Variants in TRIB2 observed in about 807,000 individuals in gnomAD.
The protein encoded by TRIB2 is tribbles pseudokinase 2, also known as tribbles homolog 2.
A neutral mutation model predicts 26.8 loss-of-function variants in TRIB2; 2 were observed. The observed-to-expected ratio is 0.07, with a 90% CI of 0.03 to 0.24. The LOEUF is 0.24. TRIB2 is among the 10% of genes least tolerant of loss of function. The pLI is 1.00. For synonymous variants in TRIB2, 189 were observed against 187.3 expected (o/e 1.01, Z -0.08); for missense variants, 306 against 449.0 (o/e 0.68, Z 2.88).
At chr2:12,734,285 G>A (rs1380140919) in intron 2 of TRIB2, among the ~76,000 whole-genome samples, 1 of 152,112 alleles carries the variant, frequency 6.6e-6, no homozygotes, top group East Asian at 1.9e-4. Context: ...TGTCTCTTTG[G>A]GAAATGTTTA....
intron 2 of TRIB2, among the ~76,000 whole-genome samples, chr2:12,736,538 T>C (rs1661576292): frequency 6.6e-6 from 1 of 152,208 alleles, no homozygotes; most frequent in Non-Finnish European, 1.5e-5. Context: ...AGAGCTCTCA[T>C]TGACTGCCAC....
intron 2 of TRIB2, among the ~76,000 whole-genome samples, chr2:12,729,835 C>T (rs1661416809): frequency 6.6e-6 from 1 of 152,120 alleles, no homozygotes; most frequent in East Asian, 1.9e-4. Flanking sequence ...TTTATTACTC[C>T]ATTTAGCCCT....
intron 1 of TRIB2, 77 bp from the exon 2 acceptor site, chr2:12,723,183 T>G: frequency 6.7e-7 from 1 of 1,487,408 alleles, no homozygotes; most frequent in South Asian, 1.3e-5. Context: ...CCCATACCTG[T>G]GGGAGGTGCA....
intron 2 of TRIB2, among the ~76,000 whole-genome samples, chr2:12,728,707 C>T (rs531303391): frequency 2.0e-5 from 3 of 152,300 alleles, no homozygotes; most frequent in South Asian, 2.1e-4. Context: ...GTGGAAGCTG[C>T]GACTGTTTGC....
At chr2:12,734,056 T>A (rs1661517661) in intron 2 of TRIB2, among the ~76,000 whole-genome samples, 1 of 152,106 alleles carries the variant, frequency 6.6e-6, no homozygotes, top group South Asian at 2.1e-4. Flanking sequence ...CGTGTAAGCC[T>A]TGTTCATTCA....
Position 12,717,460 on chromosome 2 carries a change from G to A in TRIB2, c.-848G>A, listed in dbSNP as rs1233134197. 1.3e-5 allele frequency: 5 copies of A among 398,438 alleles called. No homozygotes were observed. Among genetic ancestry groups the A allele is most frequent in the Non-Finnish European group, 2.2e-5 (5 of 226,020 alleles). The allele number at this position is 398,438 out of a possible 1,614,324, so 24.7% of individuals were successfully genotyped here. ...GCGCGAGCGAGCGGCGACAGCATGA[G>A]CCTGTGCTGACCTCCGCGCGGCGGG... On this transcript the variant is annotated 5_prime_UTR_variant, in exon 1 of 3. Transcript: ENST00000155926. The surrounding 1 kb of genome is among the most constrained non-coding windows in gnomAD (Gnocchi z 4.8).
rs958760733 is a variant in TRIB2, at chr2:12,737,906, CAG to C, written c.564-2416_564-2415del. Among the ~76,000 whole-genome samples the C allele has an allele frequency of 3.7e-4, 57 of 152,126 alleles. 1 individual carries two copies. Among genetic ancestry groups the C allele is most frequent in the Admixed American group, 2.2e-3 (33 of 15,286 alleles). ...AGTGCTCCTCTTTAGGTCTGAAAAA[CAG>C]AGAAGTTGAGTGACTCAGCCATAGC... On this transcript the variant is annotated intron_variant, in intron 2 of 2. Transcript: ENST00000155926.
intron 1 of TRIB2, among the ~76,000 whole-genome samples, chr2:12,719,807 G>A (rs951906729): frequency 6.6e-6 from 1 of 152,104 alleles, no homozygotes; most frequent in Non-Finnish European, 1.5e-5. Context: ...GCCCTTAGGG[G>A]GAAATCGGAG....
In TRIB2 at chr2:12,740,526, A is replaced by G; in HGVS notation, c.764A>G (p.His255Arg). The G allele has an allele frequency of 6.2e-7, 1 of 1,614,056 alleles. No individual in the cohort carries two copies. Among genetic ancestry groups the G allele is most frequent in the Non-Finnish European group, 8.5e-7 (1 of 1,180,006 alleles). Reference sequence around the variant, plus strand: ...ATGTTGGTGGGGCGGTACCCTTTCCATGACATTGAACCCAGCTCCCTCTTC... The same window carrying G: ...ATGTTGGTGGGGCGGTACCCTTTCCGTGACATTGAACCCAGCTCCCTCTTC... ...YTMLVGRYPF[H>R]DIEPSSLFSK... is the part of the protein sequence containing the mutation. Residue 255 changes from histidine to arginine, a missense_variant, in exon 3 of 3, where the codon CAT becomes CGT. By Grantham distance (29) the His-to-Arg change is conservative. This residue lies in a region of TRIB2 where 11 missense variants were observed against 48.7 expected (regional missense o/e 0.23). Coordinates refer to ENST00000155926, the MANE Select transcript of TRIB2 (RefSeq NM_021643.4). This position sits in a 1 kb window ranked among gnomAD's most constrained non-coding sequence, Gnocchi z 5.8.
rs1661700643 is a variant in TRIB2 at position 12,741,063 on chromosome 2, G to A, written c.*269G>A. On this transcript the variant is annotated 3_prime_UTR_variant, in exon 3 of 3. Transcript: ENST00000155926. The stretch of plus-strand genomic sequence containing the variant: ...CCTGGGAGACCACCCCTTGCCACTT[G>A]GGCCACTTCCGCCTACCCCACTTTT... 7.0e-6 allele frequency: 3 copies of A among 427,562 alleles called. No individual in the cohort carries two copies. The highest frequency in any genetic ancestry group is 1.3e-5 in the Non-Finnish European group (3 of 238,264). 26.5% of individuals were successfully genotyped at this position (427,562 alleles called of 1,614,324 possible).
rs191428770 is a variant in TRIB2, at chr2:12,731,424, G to A, written c.563+7872G>A. On this transcript the variant is annotated intron_variant, in intron 2 of 2. Coordinates refer to ENST00000155926, the MANE Select transcript of TRIB2 (RefSeq NM_021643.4). ...ATTGAAAGGTTTTTCTGGATGGCAG[G>A]GATGGGTTTGTGATTCCGGAAGTAC... 4.1e-3 allele frequency among the ~76,000 whole-genome samples: 621 copies of A among 152,290 alleles called. 3 individuals are homozygous for A. The highest frequency in any genetic ancestry group is 0.014 in the African/African-American group (594 of 41,550).
intron 1 of TRIB2, among the ~76,000 whole-genome samples, chr2:12,720,872 A>T (rs780431727): frequency 1.6e-4 from 25 of 152,182 alleles, no homozygotes; most frequent in Admixed American, 5.9e-4. Context: ...GTTTTCATGG[A>T]GATACTGGTA....
chr2:12,738,300 A>G (rs973363340), intron 2 of TRIB2, among the ~76,000 whole-genome samples: 18 of 152,160 alleles, frequency 1.2e-4, no homozygotes, highest in African/African-American at 4.1e-4. Flanking sequence ...TTATGACCCA[A>G]TGTGGTTTTT....
At chr2:12,727,235 G>A (rs1661356423) in intron 2 of TRIB2, among the ~76,000 whole-genome samples, 1 of 152,170 alleles carries the variant, frequency 6.6e-6, no homozygotes, top group Non-Finnish European at 1.5e-5. Flanking sequence ...CAGTTGTGAG[G>A]GTTAAATGAG....
rs779495796 is a variant in TRIB2, at chr2:12,740,821, G to T, written c.*27G>T. 6.3e-7 allele frequency: 1 copy of T among 1,592,488 alleles called. No homozygotes were observed. The highest frequency in any genetic ancestry group is 2.2e-5 in the East Asian group (1 of 44,634). ...CTCATGCCCCACGGAGACTTAGCAG[G>T]TTCCAGGAGTGAGCGAGGGCAGCGG... On this transcript the variant is annotated 3_prime_UTR_variant, in exon 3 of 3. Transcript: ENST00000155926. The surrounding 1 kb of genome is among the most constrained non-coding windows in gnomAD (Gnocchi z 5.8).
In TRIB2 at chr2:12,742,642, G is replaced by A. The variant is rs1661736347; in HGVS notation, c.*1848G>A. On this transcript the variant is annotated 3_prime_UTR_variant, in exon 3 of 3. Transcript: ENST00000155926. ...GAGAGGTTGGTGACATGCATGGTGG[G>A]GATCTATGGCCTCTGGTGCTTTGTC... 1 of 152,466 alleles carries A rather than the reference G, an allele frequency of 6.6e-6. No homozygotes were observed. Among genetic ancestry groups the A allele is most frequent in the Non-Finnish European group, 1.5e-5 (1 of 68,022 alleles). The allele number at this position is 152,466 out of a possible 1,614,324, so 9.4% of individuals were successfully genotyped here.
At chr2:12,719,672 G>C (rs1250848503) in intron 1 of TRIB2, among the ~76,000 whole-genome samples, 1 of 150,302 alleles carries the variant, frequency 6.7e-6, no homozygotes, top group Non-Finnish European at 1.5e-5. Flanking sequence ...ATAACACATC[G>C]CGCTTTTGCC....
At position 12,723,223 on chromosome 2, in the gene TRIB2, A is replaced by T. The variant is rs753648238; in HGVS notation, c.271-37A>T. On this transcript the variant is annotated intron_variant, in intron 1 of 2. Transcript: ENST00000155926. ...TATGTGTTTTGGTTGTACAAGAGGCACCTCTGACTTTGGTCTTACTGTTAA... is the reference window on the plus strand; with the variant it reads ...TATGTGTTTTGGTTGTACAAGAGGCTCCTCTGACTTTGGTCTTACTGTTAA... The T allele has an allele frequency of 5.0e-6, 8 of 1,587,414 alleles. No individual in the cohort carries two copies. In the African/African-American group the frequency reaches 9.4e-5, roughly 19 times the overall value.
intron 2 of TRIB2, among the ~76,000 whole-genome samples, chr2:12,736,852 C>T (rs911193022): frequency 6.6e-5 from 10 of 152,214 alleles, no homozygotes; most frequent in Non-Finnish European, 1.0e-4. Context: ...TACGATATCT[C>T]CCATGCTGAA....
Sources: gnomAD v4.1 joint callset for allele counts (sites outside exome capture counted in the v4.1 genomes callset) on GRCh38, gnomAD v4.1.1 for gene constraint, gnomAD v4.1.1 regional missense constraint, Gnocchi (gnomAD v3.1) non-coding constraint, MANE v1.5 for transcripts, NCBI Gene and HGNC (gene_info 2026-07-23, HGNC 2026-07-21) for gene names.